PLXNA2: variants seen among roughly 807,000 people sequenced by gnomAD.
The protein encoded by PLXNA2 is plexin-A2.
In PLXNA2, 91 loss-of-function variants were observed where a neutral mutation model predicts 193.5. That is an observed-to-expected ratio of 0.47 (90% CI 0.40 to 0.56). The LOEUF (loss-of-function observed/expected upper bound fraction) is 0.56. Among genes scored for constraint, PLXNA2 ranks in the 20% least tolerant of loss-of-function variants. The pLI, the probability that PLXNA2 is intolerant of heterozygous loss-of-function variation, is 0.00. For synonymous variants in PLXNA2, 997 were observed against 1,027.3 expected, an observed-to-expected ratio of 0.97 and a Z score of 0.56; for missense variants, 1,995 against 2,503.2, an observed-to-expected ratio of 0.80 and a Z score of 4.33.
intron 13 of PLXNA2, among the ~76,000 whole-genome samples, chr1:208,056,714 G>C (rs1665441990): frequency 6.6e-6 from 1 of 152,192 alleles, no homozygotes; most frequent in Non-Finnish European, 1.5e-5. Flanking sequence ...GGAAAGGCAG[G>C]ATGCAGGGGT....
chr1:208,045,847 G>C (rs776740446), intron 18 of PLXNA2, 31 bp downstream of exon 18: 8 of 1,611,320 alleles, frequency 5.0e-6, no homozygotes, highest in Non-Finnish European at 6.8e-6. Flanking sequence ...TGCTGCCCCT[G>C]GTGGCACTGC....
Position 208,236,833 on chromosome 1 carries a change from A to G in PLXNA2, c.-81+6810T>C, listed in dbSNP as rs767752223. 1.3e-5 allele frequency among the ~76,000 whole-genome samples: 2 copies of G among 152,218 alleles called. No homozygotes were observed. Among genetic ancestry groups the G allele is most frequent in the Non-Finnish European group, 2.9e-5 (2 of 68,038 alleles). Reference sequence around the variant, plus strand: ...TCTCTTCGGAAATACAAGACTACACATACCCACATCATTCTTGAAGATATA... The same window carrying G: ...TCTCTTCGGAAATACAAGACTACACGTACCCACATCATTCTTGAAGATATA... On this transcript the variant is annotated intron_variant, in intron 1 of 31. Transcript: ENST00000367033. The surrounding 1 kb of genome is among the most constrained non-coding windows in gnomAD (Gnocchi z 4.4).
At chr1:208,091,737 G>T (rs1012914906) in intron 9 of PLXNA2, among the ~76,000 whole-genome samples, 34 of 152,064 alleles carry the variant, frequency 2.2e-4, no homozygotes, top group African/African-American at 7.5e-4. Context: ...TGGCATGGTG[G>T]CATGCCCCTG....
At chr1:208,190,627 G>A (rs1430329858) in intron 3 of PLXNA2, among the ~76,000 whole-genome samples, 1 of 152,126 alleles carries the variant, frequency 6.6e-6, no homozygotes, top group East Asian at 1.9e-4. Flanking sequence ...CAGTATCCCT[G>A]GCCTCTACCC....
chr1:208,081,190 C>A (rs982070436), intron 11 of PLXNA2, among the ~76,000 whole-genome samples: 1 of 152,196 alleles, frequency 6.6e-6, no homozygotes, highest in African/African-American at 2.4e-5. Flanking sequence ...TATGTTTTAG[C>A]AGTGAGAAAG....
rs1219530760 is a variant in PLXNA2, at chr1:208,051,044, T to C, written c.3220A>G (p.Ile1074Val). The C allele has an allele frequency of 6.2e-7, 1 of 1,614,008 alleles. No homozygotes were observed. The highest frequency in any genetic ancestry group is 8.5e-7 in the Non-Finnish European group (1 of 1,179,998). ...FNLDVIQEPR[I>V]RVKFNGKESV... ...TCTTTGCCATTGAATTTGACTCGGA[T>C]CCTTGGCTCCTGAATGACATCCAGG... The change falls in exon 17 of 32, where the codon ATC becomes GTC. Residue 1074 changes from isoleucine to valine, a missense_variant. Physicochemically the swap from Ile to Val is conservative, Grantham distance 29. Transcript: ENST00000367033.
chr1:208,089,201 C>T lies in PLXNA2; in HGVS notation c.2097+3585G>A, dbSNP rs1666631582. ...GCTGTCTTTTTATCTGGAAATGGCA[C>T]CACTGACCCATCTTCTATGGGCAGT... is the stretch of plus-strand genomic sequence containing the variant. On this transcript the variant is annotated intron_variant, in intron 9 of 31. Transcript: ENST00000367033. Among the ~76,000 whole-genome samples the T allele has an allele frequency of 2.6e-5, 4 of 152,196 alleles. No individual in the cohort carries two copies. The South Asian group carries it at 8.3e-4, about 31-fold the overall frequency.
At chr1:208,136,973 T>A (rs768875531) in intron 4 of PLXNA2, among the ~76,000 whole-genome samples, 33 of 152,356 alleles carry the variant, frequency 2.2e-4, no homozygotes, top group Non-Finnish European at 3.8e-4. Flanking sequence ...TTAGGCCCAT[T>A]ACACAGATGA....
chr1:208,234,455 C>T (rs1671788940), intron 1 of PLXNA2, among the ~76,000 whole-genome samples: 1 of 152,204 alleles, frequency 6.6e-6, no homozygotes, highest in African/African-American at 2.4e-5. Context: ...TCTCACAGGC[C>T]CCATCCCGCA....
At position 208,222,442 on chromosome 1, in the gene PLXNA2, G is replaced by A. The variant is rs138207870; in HGVS notation, c.-80-4440C>T. Among the ~76,000 whole-genome samples, 9 of 152,276 alleles carry A rather than the reference G, an allele frequency of 5.9e-5. No homozygotes were observed. The South Asian group carries it at 6.2e-4, about 11-fold the overall frequency. ...GAGAGTCTCCCAGCACATGTAACTC[G>A]GAGCGTTCCTGATGCCAAGGAGAGG... is the stretch of plus-strand genomic sequence containing the variant. On this transcript the variant is annotated intron_variant, in intron 1 of 31. Coordinates refer to ENST00000367033, the MANE Select transcript of PLXNA2 (RefSeq NM_025179.4).
At chr1:208,075,775 T>C (rs1213753486) in intron 12 of PLXNA2, among the ~76,000 whole-genome samples, 2 of 152,136 alleles carry the variant, frequency 1.3e-5, no homozygotes, top group Non-Finnish European at 2.9e-5. Context: ...AGATAGGGTC[T>C]TGGCCAGGCA....
intron 10 of PLXNA2, 122 bp downstream of exon 10, chr1:208,084,258 G>T: frequency 9.8e-7 from 1 of 1,017,160 alleles, no homozygotes; most frequent in Non-Finnish European, 1.5e-6. Context: ...GCATCCCTGG[G>T]GATGTGGGCT....
intron 14 of PLXNA2, 45 bp from the exon 15 acceptor site, chr1:208,052,508 A>G: frequency 1.3e-6 from 2 of 1,598,142 alleles, no homozygotes; most frequent in Non-Finnish European, 1.7e-6. Flanking sequence ...GGTTTTCTCC[A>G]AAAGGATGGA....
intron 3 of PLXNA2, among the ~76,000 whole-genome samples, chr1:208,161,868 G>A (rs904161421): frequency 2.6e-5 from 4 of 152,116 alleles, no homozygotes; most frequent in Non-Finnish European, 5.9e-5. Flanking sequence ...TATTAATTAC[G>A]CGTCAACTAC....
At chr1:208,239,226 A>G (rs1671968435) in intron 1 of PLXNA2, among the ~76,000 whole-genome samples, 1 of 151,342 alleles carries the variant, frequency 6.6e-6, no homozygotes, top group Non-Finnish European at 1.5e-5. Flanking sequence ...TCTAGTGGAG[A>G]TAACCTGCTA....
Position 208,217,610 on chromosome 1 carries a change from C to A in PLXNA2, c.313G>T (p.Glu105Ter). Residue 105 changes from glutamate to a stop codon, truncating the protein, a stop_gained, in exon 2 of 32, where the codon GAA becomes TAA. Coordinates refer to ENST00000367033, the MANE Select transcript of PLXNA2 (RefSeq NM_025179.4). LOFTEE classifies it high-confidence loss of function. The surrounding 1 kb of genome is among the most constrained non-coding windows in gnomAD (Gnocchi z 4.7). Reference protein sequence around the residue: ...YPPLIVQPCSEVLTLTNNVNK... With the variant: ...YPPLIVQPCS ...ACATTGTTGGTGAGGGTGAGCACTT[C>A]GCTGCAGGGCTGCACGATGAGGGGC... 1 of 1,614,202 alleles carries A rather than the reference C, an allele frequency of 6.2e-7. No individual in the cohort carries two copies. Among genetic ancestry groups the A allele is most frequent in the Non-Finnish European group, 8.5e-7 (1 of 1,180,036 alleles).
intron 3 of PLXNA2, among the ~76,000 whole-genome samples, chr1:208,176,224 C>A (rs1225184580): frequency 6.6e-6 from 1 of 152,168 alleles, no homozygotes. Context: ...CAGGTAAGCC[C>A]TGCAGAGGGG....
intron 3 of PLXNA2, among the ~76,000 whole-genome samples, chr1:208,175,561 C>A (rs939197916): frequency 3.8e-5 from 2 of 52,872 alleles, no homozygotes; most frequent in Non-Finnish European, 8.1e-5. Flanking sequence ...TAAAGGAGAC[C>A]AAACTTTGCC....
At chr1:208,078,962 T>G (rs1275521611) in intron 12 of PLXNA2, among the ~76,000 whole-genome samples, 25 of 152,190 alleles carry the variant, frequency 1.6e-4, no homozygotes, top group Non-Finnish European at 2.9e-5. Flanking sequence ...CCTCCTCACT[T>G]GGCTCAGCCA....
Sources: allele counts gnomAD v4.1 joint callset (sites outside exome capture counted in the v4.1 genomes callset), GRCh38; gene constraint gnomAD v4.1.1; non-coding constraint Gnocchi (gnomAD v3.1); transcripts MANE v1.5; gene names NCBI Gene and HGNC (gene_info 2026-07-23, HGNC 2026-07-21).